Variants in DDX10 observed in about 807,000 individuals in gnomAD.
DDX10 encodes DEAD-box helicase 10.
A neutral mutation model predicts 104.3 loss-of-function variants in DDX10; 74 were observed. The ratio of observed to expected loss-of-function variants is 0.71; its 90% CI spans 0.59 to 0.86. DDX10 has a LOEUF of 0.86. Among genes scored for constraint, DDX10 ranks in the 40% least tolerant of loss-of-function variants. DDX10 has a pLI of 0.00. For synonymous variants in DDX10, 351 were observed against 353.4 expected (o/e 0.99, Z 0.08); for missense variants, 952 against 1,040.0 (o/e 0.92, Z 1.16).
intron 15 of DDX10, among the ~76,000 whole-genome samples, chr11:108,847,290 T>C (rs1027616870): frequency 3.3e-5 from 5 of 152,200 alleles, no homozygotes; most frequent in African/African-American, 4.8e-5. Context: ...TTGAATGATT[T>C]TTACTTCAAT....
chr11:108,855,170 C>T (rs1862848549), intron 16 of DDX10, among the ~76,000 whole-genome samples: 1 of 152,104 alleles, frequency 6.6e-6, no homozygotes, highest in Admixed American at 6.5e-5. Flanking sequence ...ATTCTTATGA[C>T]CTACAGATTT....
chr11:108,740,496 A>G (rs1565264160), intron 13 of DDX10, among the ~76,000 whole-genome samples: 1 of 152,162 alleles, frequency 6.6e-6, no homozygotes. Flanking sequence ...CTTTGGGTAT[A>G]TACCCAATAA....
At chr11:108,881,400 C>T (rs1435636705) in intron 16 of DDX10, among the ~76,000 whole-genome samples, 1 of 152,086 alleles carries the variant, frequency 6.6e-6, no homozygotes, top group Non-Finnish European at 1.5e-5. Context: ...GGAAAATAAG[C>T]CTTATAAAAC....
intron 16 of DDX10, among the ~76,000 whole-genome samples, chr11:108,896,272 G>T (rs1021193251): frequency 2.0e-5 from 3 of 152,114 alleles, no homozygotes; most frequent in Non-Finnish European, 4.4e-5. Flanking sequence ...AAGCATGCTT[G>T]TGAATCCAAC....
chr11:108,692,824 A>G (rs1437531540), intron 8 of DDX10, among the ~76,000 whole-genome samples: 1 of 152,200 alleles, frequency 6.6e-6, no homozygotes. Flanking sequence ...ACCAGGCTCA[A>G]GTGATACTCC....
intron 13 of DDX10, among the ~76,000 whole-genome samples, chr11:108,742,287 C>T (rs898121807): frequency 6.8e-6 from 1 of 146,838 alleles, no homozygotes; most frequent in Admixed American, 6.8e-5. Flanking sequence ...AAAAAAAAAC[C>T]CTGGGCATGG....
At chr11:108,776,212 C>T (rs2094369691) in intron 13 of DDX10, among the ~76,000 whole-genome samples, 1 of 152,184 alleles carries the variant, frequency 6.6e-6, no homozygotes, top group Admixed American at 6.5e-5. Context: ...ACTTTGTCTT[C>T]CTTTCAGCGA....
chr11:108,919,727 CCTT>C (rs1863799151), intron 17 of DDX10: 1 of 152,196 alleles, frequency 6.6e-6, no homozygotes, highest in Non-Finnish European at 1.5e-5. Flanking sequence ...TGTCAGCAGT[CCTT>C]CTGCATTTGA....
intron 16 of DDX10, among the ~76,000 whole-genome samples, chr11:108,905,954 C>T (rs1429644269): frequency 1.3e-5 from 2 of 152,136 alleles, no homozygotes; most frequent in Non-Finnish European, 2.9e-5. Flanking sequence ...GGTACTAAAC[C>T]ATTCATGAGA....
chr11:108,704,442 G>C (rs1684627335), intron 9 of DDX10, among the ~76,000 whole-genome samples: 1 of 152,182 alleles, frequency 6.6e-6, no homozygotes. Context: ...GCTGCCTCAA[G>C]GGCGTTTTGG....
At chr11:108,738,882 C>G (rs1347864230) in intron 13 of DDX10, among the ~76,000 whole-genome samples, 2 of 152,164 alleles carry the variant, frequency 1.3e-5, no homozygotes, top group African/African-American at 4.8e-5. Flanking sequence ...CCCTGCCCCT[C>G]AAGTCCCACA....
rs2094299106 is a variant in DDX10, at chr11:108,722,145, CCAG to C, written c.1500-851_1500-849del. Among the ~76,000 whole-genome samples, 11 of 152,262 alleles carry C rather than the reference CCAG, an allele frequency of 7.2e-5. No individual in the cohort carries two copies. The South Asian group carries it at 2.3e-3, about 32-fold the overall frequency. On this transcript the variant is annotated intron_variant, in intron 12 of 17. Coordinates refer to ENST00000322536, the MANE Select transcript of DDX10 (RefSeq NM_004398.4). Reference sequence around the variant, plus strand: ...AGATCTCACAGCTAGTAAGTGGCAGCCAGATTTTGAACCCCAGCAGTCTTATTT... The same window carrying C: ...AGATCTCACAGCTAGTAAGTGGCAGCATTTTGAACCCCAGCAGTCTTATTT...
intron 13 of DDX10, among the ~76,000 whole-genome samples, chr11:108,789,204 A>G (rs931112562): frequency 3.3e-5 from 5 of 152,340 alleles, no homozygotes; most frequent in Admixed American, 3.3e-4. Context: ...CACACCTTCA[A>G]TCAGAGCCAG....
intron 16 of DDX10, among the ~76,000 whole-genome samples, chr11:108,868,015 A>G (rs1264933153): frequency 6.6e-6 from 1 of 152,082 alleles, no homozygotes; most frequent in Non-Finnish European, 1.5e-5. Flanking sequence ...GGAAACTCCT[A>G]GTTTTCTAGA....
chr11:108,785,022 G>C (rs938243069), intron 13 of DDX10, among the ~76,000 whole-genome samples: 1 of 151,998 alleles, frequency 6.6e-6, no homozygotes, highest in Admixed American at 6.6e-5. Flanking sequence ...TTTATTTCTG[G>C]GTTCTCTGTT....
chr11:108,917,997 A>G lies in DDX10; in HGVS notation c.2429A>G (p.Glu810Gly), dbSNP rs1261062361. 1.9e-6 allele frequency: 3 copies of G among 1,613,756 alleles called. No homozygotes were observed. In the South Asian group the frequency reaches 3.3e-5, roughly 18 times the overall value. Residue 810 changes from glutamate to glycine, a missense_variant, in exon 17 of 18, where the codon GAA becomes GGA. Coordinates refer to ENST00000322536, the MANE Select transcript of DDX10 (RefSeq NM_004398.4). ...AGAAGCTCTGAAGATTCAGATAGTG[A>G]AGATATGGAAAATAAAATAAGGTAT... ...KYRSSEDSDSEDMENKISDTK... is the reference protein window; with the variant it reads ...KYRSSEDSDSGDMENKISDTK...
chr11:108,762,074 T>C (rs2094351485), intron 13 of DDX10, among the ~76,000 whole-genome samples: 1 of 152,196 alleles, frequency 6.6e-6, no homozygotes, highest in Non-Finnish European at 1.5e-5. Context: ...TGTGATCTAA[T>C]AGCTGACAGG....
chr11:108,783,341 CAGA>C (rs1388363538), intron 13 of DDX10, among the ~76,000 whole-genome samples: 1 of 151,956 alleles, frequency 6.6e-6, no homozygotes, highest in Non-Finnish European at 1.5e-5. Flanking sequence ...TAATCTTTAC[CAGA>C]AGGTTTTATT....
chr11:108,701,443 C>T (rs1237784873), intron 9 of DDX10, among the ~76,000 whole-genome samples: 1 of 152,128 alleles, frequency 6.6e-6, no homozygotes, highest in Admixed American at 6.6e-5. Flanking sequence ...CCTTTCTCCA[C>T]TTCTTGATTA....
Sources: gnomAD v4.1 joint callset for allele counts (sites outside exome capture counted in the v4.1 genomes callset) on GRCh38, gnomAD v4.1.1 for gene constraint, MANE v1.5 for transcripts, NCBI Gene and HGNC (gene_info 2026-07-23, HGNC 2026-07-21) for gene names.